TJP3: variants seen among roughly 807,000 people sequenced by gnomAD.
TJP3 encodes tight junction protein ZO-3.
A neutral mutation model predicts 104.2 loss-of-function variants in TJP3; 85 were observed. That is an observed-to-expected ratio of 0.82 (90% CI 0.68 to 0.98). The LOEUF (loss-of-function observed/expected upper bound fraction) is 0.98, where lower values mean the gene tolerates loss of function less well. TJP3 is among the 50% of genes least tolerant of loss of function. TJP3 has a pLI of 0.00. For missense variants in TJP3, 1,367 were observed against 1,322.8 expected (o/e 1.03, Z -0.52); for synonymous variants, 550 against 550.6 (o/e 1.00, Z 0.02).
chr19:3,719,509 G>C lies in TJP3; in HGVS notation c.-9-8915G>C, dbSNP rs142568551. On this transcript the variant is annotated intron_variant, in intron 1 of 20. Coordinates refer to ENST00000541714, the MANE Select transcript of TJP3 (RefSeq NM_001267560.2). ...CTAACATTTTGGGTGGCCGAGGTGG[G>C]CTAATCACTTGAGGCCAGGAGTTCG... 7.9e-3 allele frequency among the ~76,000 whole-genome samples: 1,204 copies of C among 151,906 alleles called. 18 individuals are homozygous for C. The highest frequency in any genetic ancestry group is 0.028 in the African/African-American group (1,144 of 41,384).
intron 11 of TJP3, 59 bp from the exon 12 acceptor site, chr19:3,738,496 C>T: frequency 6.8e-7 from 1 of 1,464,950 alleles, no homozygotes; most frequent in Non-Finnish European, 9.4e-7. Flanking sequence ...GGTCCAGGAT[C>T]TCATGCACGC....
intron 12 of TJP3, 67 bp from the exon 13 acceptor site, chr19:3,738,830 C>A: frequency 6.8e-7 from 1 of 1,467,358 alleles, no homozygotes; most frequent in Non-Finnish European, 9.3e-7. Flanking sequence ...CAGGCCCACT[C>A]TCGGGTGGGG....
chr19:3,748,163 T>G (rs1599166179), intron 19 of TJP3, 82 bp downstream of exon 19: 1 of 1,439,522 alleles, frequency 6.9e-7, no homozygotes, highest in South Asian at 1.5e-5. Context: ...TGGGAGCCTG[T>G]TTTCTACCAG....
rs1029864628 is a variant in TJP3, at chr19:3,746,653, C to T, written c.2179C>T (p.Gln727Ter). 1.2e-6 allele frequency: 2 copies of T among 1,613,262 alleles called. No individual in the cohort carries two copies. Among genetic ancestry groups the T allele is most frequent in the African/African-American group, 2.7e-5 (2 of 74,938 alleles). ...SRRSTRRLYA[Q>*]AQKLRKHSSH... Reference sequence around the variant, plus strand: ...CCGCAGCACCCGTCGCCTCTACGCACAAGCCCAGAAGCTGCGAAAACACAG... The same window carrying T: ...CCGCAGCACCCGTCGCCTCTACGCATAAGCCCAGAAGCTGCGAAAACACAG... The change falls in exon 17 of 21, where the codon CAA becomes TAA. Residue 727 changes from glutamine to a stop codon, truncating the protein, a stop_gained. Coordinates refer to ENST00000541714, the MANE Select transcript of TJP3 (RefSeq NM_001267560.2). LOFTEE classifies it high-confidence loss of function. The surrounding 1 kb of genome is among the most constrained non-coding windows in gnomAD (Gnocchi z 4.1).
chr19:3,744,318 A>G (rs1031336628), intron 15 of TJP3, among the ~76,000 whole-genome samples: 6 of 152,200 alleles, frequency 3.9e-5, no homozygotes, highest in African/African-American at 1.4e-4. Flanking sequence ...ATCTTCTGAG[A>G]CAGCAGTGAA....
rs138265239 is a variant in TJP3 at position 3,746,848 on chromosome 19, C to T, written c.2294C>T (p.Thr765Met). ...AAGGCCATCATTCGAGAGCAGCAGA[C>T]GCGGCCCATCTGGACGGCGGAAGAT... ...ELKAIIREQQ[T>M]RPIWTAEDQL... The change falls in exon 18 of 21, where the codon ACG (threonine) becomes ATG (methionine). Residue 765 changes from threonine (T) to methionine (M), a missense_variant. Transcript: ENST00000541714. The surrounding 1 kb of genome is among the most constrained non-coding windows in gnomAD (Gnocchi z 4.1). The T allele has an allele frequency of 4.3e-4, 690 of 1,608,442 alleles. 1 individual carries two copies. Among genetic ancestry groups the T allele is most frequent in the East Asian group, 5.2e-4 (23 of 44,646 alleles).
Position 3,740,549 on chromosome 19 carries a change from C to G in TJP3, c.1632-3C>G. On this transcript the variant is annotated splice_region_variant and splice_polypyrimidine_tract_variant and intron_variant, in intron 13 of 20. Transcript: ENST00000541714. ...GCTCAGTACTGTCCCCTCTTCTCCCCAGGGCGGAGCAGCTGGCCAGCCTGG... is the reference window on the plus strand; with the variant it reads ...GCTCAGTACTGTCCCCTCTTCTCCCGAGGGCGGAGCAGCTGGCCAGCCTGG... The G allele has an allele frequency of 1.4e-6, 2 of 1,461,570 alleles. No homozygotes were observed. Among genetic ancestry groups the G allele is most frequent in the African/African-American group, 2.8e-5 (2 of 70,580 alleles). The allele number at this position is 1,461,570 out of a possible 1,614,324, so 90.5% of individuals were successfully genotyped here. A position where few individuals can be genotyped will look rare whatever the true frequency, so the allele number is the denominator to read the frequency against.
chr19:3,737,300 T>C (rs547532304), intron 11 of TJP3, among the ~76,000 whole-genome samples: 2 of 152,210 alleles, frequency 1.3e-5, no homozygotes, highest in Non-Finnish European at 2.9e-5. Context: ...TCATTGCCTA[T>C]GTCATGACCT....
At position 3,730,747 on chromosome 19, in the gene TJP3, A is replaced by G. The variant is rs745683221; in HGVS notation, c.613+41A>G. 1.9e-6 allele frequency: 3 copies of G among 1,546,588 alleles called. No homozygotes were observed. The highest frequency in any genetic ancestry group is 2.6e-6 in the Non-Finnish European group (3 of 1,148,920). ...AGGTCGGACACGATCAGTACTGGACACAGGGCACCGTGGTCGGATGGGCGA... is the reference window on the plus strand; with the variant it reads ...AGGTCGGACACGATCAGTACTGGACGCAGGGCACCGTGGTCGGATGGGCGA... On this transcript the variant is annotated intron_variant, in intron 5 of 20. Coordinates refer to ENST00000541714, the MANE Select transcript of TJP3 (RefSeq NM_001267560.2). This position sits in a 1 kb window ranked among gnomAD's most constrained non-coding sequence, Gnocchi z 7.3.
chr19:3,738,366 G>A (rs910261744), intron 11 of TJP3, among the ~76,000 whole-genome samples, 189 bp from the exon 12 acceptor site: 2 of 152,158 alleles, frequency 1.3e-5, no homozygotes, highest in African/African-American at 2.4e-5. Context: ...GCCACCAGCT[G>A]TCTGTGTCAC....
At chr19:3,716,568 C>T (rs551279765) in intron 1 of TJP3, among the ~76,000 whole-genome samples, 1 of 147,524 alleles carries the variant, frequency 6.8e-6, no homozygotes, top group South Asian at 2.3e-4. Context: ...TGCAGCCAAG[C>T]ATATGCCAGT....
rs937919104 is a variant in TJP3, at chr19:3,746,906, G to A, written c.2322+30G>A. 5.8e-6 allele frequency: 9 copies of A among 1,555,812 alleles called. No individual in the cohort carries two copies. Among genetic ancestry groups the A allele is most frequent in the African/African-American group, 2.7e-5 (2 of 73,718 alleles). ...TGCCGCGGTGTGGGTGGGTCGGGCA[G>A]GGAGGCCCCACAGACGCTGTGCAGG... On this transcript the variant is annotated intron_variant, in intron 18 of 20. Transcript: ENST00000541714. This position sits in a 1 kb window ranked among gnomAD's most constrained non-coding sequence, Gnocchi z 4.1.
intron 19 of TJP3, among the ~76,000 whole-genome samples, chr19:3,748,567 C>CTTTTTTT (rs754151380): frequency 9.3e-6 from 1 of 107,908 alleles, no homozygotes. Flanking sequence ...TGCACCCAGG[C>CTTTTTTT]TTTTTTTTTT....
chr19:3,717,101 G>T (rs1161619164), intron 1 of TJP3, among the ~76,000 whole-genome samples: 1 of 146,582 alleles, frequency 6.8e-6, no homozygotes, highest in Non-Finnish European at 1.5e-5. Context: ...TAGTAGCTGG[G>T]ATTACAGGCA....
At chr19:3,727,337 G>T (rs1476453632) in intron 1 of TJP3, among the ~76,000 whole-genome samples, 1 of 151,140 alleles carries the variant, frequency 6.6e-6, no homozygotes, top group Non-Finnish European at 1.5e-5. Context: ...AAAAAAATTA[G>T]CTGGGCATGG....
intron 13 of TJP3, 66 bp from the exon 14 acceptor site, chr19:3,740,486 G>A (rs965343247): frequency 6.3e-6 from 7 of 1,111,316 alleles, no homozygotes; most frequent in South Asian, 5.7e-5. Flanking sequence ...GGGGTAGGAC[G>A]AGGACGTCTT....
chr19:3,745,887 G>A (rs1355665460), intron 15 of TJP3, 124 bp from the exon 16 acceptor site: 11 of 771,002 alleles, frequency 1.4e-5, no homozygotes, highest in South Asian at 1.4e-4. Flanking sequence ...CTGCTGTTAG[G>A]ATTTCTCTCC....
intron 1 of TJP3, among the ~76,000 whole-genome samples, chr19:3,715,684 G>T (rs550298294): frequency 1.3e-5 from 2 of 152,266 alleles, no homozygotes; most frequent in South Asian, 2.1e-4. Flanking sequence ...TCTGGGATGG[G>T]GCCATTCTGG....
intron 19 of TJP3, chr19:3,749,635 A>AGC (rs1328411928): frequency 6.4e-6 from 1 of 155,118 alleles, no homozygotes; most frequent in Non-Finnish European, 1.4e-5. Flanking sequence ...CGTGAACCAC[A>AGC]GCGCCCAGCT....
Sources: gnomAD v4.1 joint callset for allele counts (sites outside exome capture counted in the v4.1 genomes callset) on GRCh38, gnomAD v4.1.1 for gene constraint, Gnocchi (gnomAD v3.1) non-coding constraint, MANE v1.5 for transcripts, NCBI Gene and HGNC (gene_info 2026-07-23, HGNC 2026-07-21) for gene names.